The following RNF213 variants were observed in gnomAD, a reference collection of about 807,000 sequenced individuals.
RNF213 encodes the protein E3 ubiquitin-protein ligase RNF213.
Under a neutral mutation model 514.4 loss-of-function variants are expected in RNF213, and 341 were observed. The observed-to-expected ratio is 0.66, with a 90% confidence interval of 0.61 to 0.73. RNF213 has a LOEUF of 0.73. Among genes scored for constraint, RNF213 ranks in the 30% least tolerant of loss-of-function variants. RNF213 has a pLI of 0.00. For synonymous variants in RNF213, 2,655 were observed against 2,658.2 expected, an observed-to-expected ratio of 1.00 and a Z score of 0.04; for missense variants, 5,767 against 6,615.6, an observed-to-expected ratio of 0.87 and a Z score of 4.45.
Position 80,355,364 on chromosome 17 carries a change from G to A in RNF213, c.10862+788G>A, listed in dbSNP as rs866593905. 1.2e-4 allele frequency: 42 copies of A among 353,088 alleles called. 3 individuals carry two copies. The highest frequency in any genetic ancestry group is 7.5e-4 in the South Asian group (39 of 52,310). 21.9% of individuals were successfully genotyped at this position (353,088 alleles called of 1,614,324 possible). ...ACAGGGGAAGAAGCGGGGTGAACGGGAATGGGAGCTTACAGGGGAAGAAGC... is the reference window on the plus strand; with the variant it reads ...ACAGGGGAAGAAGCGGGGTGAACGGAAATGGGAGCTTACAGGGGAAGAAGC... On this transcript the variant is annotated intron_variant, in intron 36 of 67. Coordinates refer to ENST00000582970, the MANE Select transcript of RNF213 (RefSeq NM_001256071.3).
Position 80,351,370 on chromosome 17 carries a change from C to T in RNF213, c.10185-315C>T, listed in dbSNP as rs558804197. On this transcript the variant is annotated intron_variant, in intron 31 of 67. Transcript: ENST00000582970. ...CAGCTGTCCTCACCCTTAGCTGCAC[C>T]GGGGCAGGCCCATTGAGGAGCACAA... Among the ~76,000 whole-genome samples the T allele has an allele frequency of 9.8e-5, 15 of 152,304 alleles. No individual in the cohort carries two copies. The South Asian group carries it at 1.2e-3, about 13-fold the overall frequency.
rs1475739189 is a variant in RNF213, at chr17:80,339,317, C to G, written c.4950C>G (p.Ser1650=). ...ACTGCTCCCCCAAGCAGGGTGTGTC[C>G]CTCCAAATGGACTTTGGCTTGGACC... ...MAYCSPKQGV[S]LQMDFGLDLV... is the part of the protein sequence containing the mutation. Residue 1650 remains serine, a synonymous_variant, in exon 26 of 68, where the codon TCC becomes TCG. Coordinates refer to ENST00000582970, the MANE Select transcript of RNF213 (RefSeq NM_001256071.3). 9 of 1,537,012 alleles carry G rather than the reference C, an allele frequency of 5.9e-6. No individual in the cohort carries two copies. The highest frequency in any genetic ancestry group is 3.5e-6 in the Non-Finnish European group (4 of 1,146,844).
rs758246618 is a variant in RNF213, at chr17:80,263,273, G to C, written c.-108-301G>C. Among the ~76,000 whole-genome samples, 2 of 152,206 alleles carry C rather than the reference G, an allele frequency of 1.3e-5. No individual in the cohort carries two copies. Among genetic ancestry groups the C allele is most frequent in the Non-Finnish European group, 2.9e-5 (2 of 68,034 alleles). ...TGCTTTAGTCCCCTTAAGAGGATGA[G>C]GAGGGTGAGGCATCAGCAGGCTGAG... is the stretch of plus-strand genomic sequence containing the variant. On this transcript the variant is annotated intron_variant, in intron 1 of 67. Coordinates refer to ENST00000582970, the MANE Select transcript of RNF213 (RefSeq NM_001256071.3). This position sits in a 1 kb window ranked among gnomAD's most constrained non-coding sequence, Gnocchi z 4.9.
rs549686130 is a variant in RNF213, at chr17:80,377,928, G to T, written c.13545+132G>T. 5.7e-6 allele frequency: 6 copies of T among 1,050,030 alleles called. No individual in the cohort carries two copies. In the Admixed American group the frequency reaches 8.5e-5, roughly 15 times the overall value. The allele number at this position is 1,050,030 out of a possible 1,614,324, so 65.0% of individuals were successfully genotyped here. On this transcript the variant is annotated intron_variant, in intron 54 of 67. Coordinates refer to ENST00000582970, the MANE Select transcript of RNF213 (RefSeq NM_001256071.3). The surrounding 1 kb of genome is among the most constrained non-coding windows in gnomAD (Gnocchi z 4.1). ...CACAGGCTCACCGAGGACTGCCCAGGGTGCTCTGAGCAGGGCAATGCCAAT... is the reference window on the plus strand; with the variant it reads ...CACAGGCTCACCGAGGACTGCCCAGTGTGCTCTGAGCAGGGCAATGCCAAT...
chr17:80,367,396 T>G (rs2079317855), intron 42 of RNF213, among the ~76,000 whole-genome samples: 1 of 152,216 alleles, frequency 6.6e-6, no homozygotes. Context: ...AAAAATGATC[T>G]AAAGCAAATA....
At chr17:80,371,711 T>C in intron 46 of RNF213, 163 bp from the exon 47 acceptor site, 2 of 577,448 alleles carry the variant, frequency 3.5e-6, no homozygotes, top group Admixed American at 3.1e-5. Context: ...TCCAGTATTA[T>C]GCTAAAAGGT....
Position 80,367,738 on chromosome 17 carries a change from C to G in RNF213, c.11872-10C>G, listed in dbSNP as rs1162561043. 1.2e-6 allele frequency: 2 copies of G among 1,612,746 alleles called. No homozygotes were observed. The highest frequency in any genetic ancestry group is 2.2e-5 in the South Asian group (2 of 91,034). On this transcript the variant is annotated splice_polypyrimidine_tract_variant and intron_variant, in intron 42 of 67. Transcript: ENST00000582970. ...CCCTGCTAATGACTCCTGTCCCTGC[C>G]TTTCTTCAGTGTCTTCGAGAGAACT...
chr17:80,368,477 G>GGC (rs2079372079), intron 44 of RNF213, among the ~76,000 whole-genome samples: 1 of 145,592 alleles, frequency 6.9e-6, no homozygotes, highest in Admixed American at 7.0e-5. Flanking sequence ...CTGTTGCCCA[G>GGC]GCTGGAGTAC....
At chr17:80,372,791 T>C in intron 48 of RNF213, 57 bp downstream of exon 48, 1 of 1,552,942 alleles carries the variant, frequency 6.4e-7, no homozygotes, top group East Asian at 2.3e-5. Context: ...ATTTAGAAAT[T>C]CAGGAAGTAT....
At chr17:80,304,881 T>C (rs2045304567) in intron 11 of RNF213, among the ~76,000 whole-genome samples, 1 of 152,022 alleles carries the variant, frequency 6.6e-6, no homozygotes, top group African/African-American at 2.4e-5. Context: ...ACACTCCCCC[T>C]CCTCCTGGTA....
At chr17:80,266,247 GC>G (rs2043607316) in intron 2 of RNF213, among the ~76,000 whole-genome samples, 1 of 148,890 alleles carries the variant, frequency 6.7e-6, no homozygotes, top group Non-Finnish European at 1.5e-5. Context: ...TTCGAGAGCA[GC>G]CTAAGCAACA....
intron 7 of RNF213, among the ~76,000 whole-genome samples, 195 bp from the exon 8 acceptor site, chr17:80,291,433 A>G (rs1165097601): frequency 6.6e-6 from 1 of 151,788 alleles, no homozygotes; most frequent in African/African-American, 2.4e-5. Flanking sequence ...TCACAGGTCA[A>G]TGCAGCCTTG....
Position 80,309,133 on chromosome 17 carries a change from G to A in RNF213, c.2617G>A (p.Glu873Lys), listed in dbSNP as rs143887157. The A allele has an allele frequency of 1.5e-4, 237 of 1,614,174 alleles. No homozygotes were observed. The South Asian group carries it at 2.3e-3, about 15-fold the overall frequency. Residue 873 changes from glutamate (E) to lysine (K), a missense_variant, in exon 14 of 68, where the codon GAG (glutamate) becomes AAG (lysine). Coordinates refer to ENST00000582970, the MANE Select transcript of RNF213 (RefSeq NM_001256071.3). Reference protein sequence around the residue: ...KFYELPALSAEIVCRMIRLLS... With the variant: ...KFYELPALSAKIVCRMIRLLS... Reference sequence around the variant, plus strand: ...TTACGAGCTGCCAGCCTTATCTGCCGAGATTGTCTGCAGAATGATTAGACT... The same window carrying A: ...TTACGAGCTGCCAGCCTTATCTGCCAAGATTGTCTGCAGAATGATTAGACT...
Position 80,332,224 on chromosome 17 carries a change from G to A in RNF213, c.3736G>A (p.Glu1246Lys). Residue 1246 changes from glutamate (E) to lysine (K), a missense_variant, in exon 21 of 68, where the codon GAG becomes AAG. Transcript: ENST00000582970. ...FWREAAEPLS[E>K]PKEDQEAAEL... ...GCGGGAAGCCGCAGAGCCGCTGAGT[G>A]AGCCTAAGGAGGACCAGGAAGCCGC... is the stretch of plus-strand genomic sequence containing the variant. The A allele has an allele frequency of 6.5e-7, 1 of 1,537,208 alleles. No homozygotes were observed.
Position 80,314,328 on chromosome 17 carries a change from A to G in RNF213, c.2811+1161A>G, listed in dbSNP as rs1190504412. Among the ~76,000 whole-genome samples, 54 of 7,136 alleles carry G rather than the reference A, an allele frequency of 7.6e-3. 1 individual carries two copies. Among genetic ancestry groups the G allele is most frequent in the African/African-American group, 0.02 (38 of 1,882 alleles). The allele number at this position is 7,136 out of a possible 152,430, so 4.7% of individuals were successfully genotyped here. On this transcript the variant is annotated intron_variant, in intron 15 of 67. Coordinates refer to ENST00000582970, the MANE Select transcript of RNF213 (RefSeq NM_001256071.3). ...CGTGATGGTGGAGGTAATGGAGGTG[A>G]TGGTGGTGGTGGTGGTGGTGGAGGT...
At position 80,334,276 on chromosome 17, in the gene RNF213, A is replaced by G. The variant is rs1450738808; in HGVS notation, c.4309+6A>G. 3 of 1,531,836 alleles carry G rather than the reference A, an allele frequency of 2.0e-6. No individual in the cohort carries two copies. Among genetic ancestry groups the G allele is most frequent in the Admixed American group, 2.0e-5 (1 of 50,306 alleles). 94.9% of individuals were successfully genotyped at this position (1,531,836 alleles called of 1,614,324 possible). ...GGTCCGGGAGGCTCTTGGAGGTAAA[A>G]TCAGCCTTTGGGGTTGCGTGGAAGT... is the stretch of plus-strand genomic sequence containing the variant. On this transcript the variant is annotated splice_donor_region_variant and intron_variant, in intron 22 of 67. Transcript: ENST00000582970.
At chr17:80,356,715 G>A (rs780812727) in intron 36 of RNF213, among the ~76,000 whole-genome samples, 3 of 152,228 alleles carry the variant, frequency 2.0e-5, no homozygotes, top group African/African-American at 4.8e-5. Context: ...CAGCGCCTGG[G>A]TTTTCCTTCT....
Position 80,377,013 on chromosome 17 carries a change from T to C in RNF213, c.13510+50T>C. ...CCACACTCCTTTGAGCTTCAAAGGG[T>C]GTCCAGATGCTATGAAGCATTGGGT... On this transcript the variant is annotated intron_variant, in intron 53 of 67. Transcript: ENST00000582970. This position sits in a 1 kb window ranked among gnomAD's most constrained non-coding sequence, Gnocchi z 4.1. 7.2e-7 allele frequency: 1 copy of C among 1,397,772 alleles called. No individual in the cohort carries two copies. Among genetic ancestry groups the C allele is most frequent in the Non-Finnish European group, 1.0e-6 (1 of 988,284 alleles). The allele number at this position is 1,397,772 out of a possible 1,614,324, so 86.6% of individuals were successfully genotyped here.
intron 21 of RNF213, 145 bp downstream of exon 21, chr17:80,332,776 C>A: frequency 1.1e-6 from 1 of 905,962 alleles, no homozygotes; most frequent in Non-Finnish European, 1.6e-6. Context: ...GTACTTGAGG[C>A]CTGAATATCC....
Sources: allele counts gnomAD v4.1 joint callset (sites outside exome capture counted in the v4.1 genomes callset), GRCh38; gene constraint gnomAD v4.1.1; non-coding constraint Gnocchi (gnomAD v3.1); transcripts MANE v1.5; gene names NCBI Gene and HGNC (gene_info 2026-07-23, HGNC 2026-07-21).